Variants in CSMD1 observed in about 807,000 individuals in gnomAD.
CSMD1 encodes the protein CUB and Sushi multiple domains 1.
A neutral mutation model predicts 417.5 loss-of-function variants in CSMD1; 213 were observed. The ratio of observed to expected loss-of-function variants is 0.51; its 90% CI spans 0.46 to 0.57. CSMD1 has a LOEUF of 0.57. Among genes scored for constraint, CSMD1 ranks in the 20% least tolerant of loss-of-function variants. The pLI is 0.00. For synonymous variants in CSMD1, 2,862 were observed against 1,736.8 expected, an observed-to-expected ratio of 1.65 and a Z score of -16.11; for missense variants, 6,923 against 4,529.7, an observed-to-expected ratio of 1.53 and a Z score of -15.17.
At chr8:3,186,608 T>C (rs1472692034) in intron 36 of CSMD1, among the ~76,000 whole-genome samples, 3 of 152,190 alleles carry the variant, frequency 2.0e-5, no homozygotes, top group Non-Finnish European at 1.5e-5. Context: ...CGCTATCTAT[T>C]TTCTTTATGT....
At chr8:4,122,666 G>T (rs1225682622) in intron 3 of CSMD1, among the ~76,000 whole-genome samples, 2 of 152,166 alleles carry the variant, frequency 1.3e-5, no homozygotes, top group African/African-American at 2.4e-5. Flanking sequence ...GCCAGGAAGG[G>T]CAGACCCTCA....
At chr8:4,065,660 G>C (rs963804240) in intron 3 of CSMD1, among the ~76,000 whole-genome samples, 5 of 152,282 alleles carry the variant, frequency 3.3e-5, no homozygotes, top group Non-Finnish European at 4.4e-5. Flanking sequence ...TTTTAGCCAT[G>C]ACACTACCAA....
chr8:4,816,462 A>C (rs1405831389), intron 1 of CSMD1, among the ~76,000 whole-genome samples: 1 of 152,098 alleles, frequency 6.6e-6, no homozygotes, highest in Non-Finnish European at 1.5e-5. Context: ...TCCTGACCTC[A>C]AGTGATCCAC....
intron 1 of CSMD1, among the ~76,000 whole-genome samples, chr8:4,746,337 G>A (rs1198246069): frequency 6.6e-6 from 1 of 152,182 alleles, no homozygotes; most frequent in Non-Finnish European, 1.5e-5. Flanking sequence ...TAGGCACTTT[G>A]GCAGGGGTTC....
intron 1 of CSMD1, among the ~76,000 whole-genome samples, chr8:4,975,947 T>C (rs1563915185): frequency 6.6e-6 from 1 of 152,196 alleles, no homozygotes; most frequent in South Asian, 2.1e-4. Flanking sequence ...ATAATTTTAT[T>C]TACTATGAGA....
intron 1 of CSMD1, among the ~76,000 whole-genome samples, chr8:4,900,103 C>T (rs1804768924): frequency 6.6e-6 from 1 of 152,258 alleles, no homozygotes; most frequent in Admixed American, 6.5e-5. Flanking sequence ...GACTCACCTT[C>T]CACCTTCCCA....
intron 3 of CSMD1, among the ~76,000 whole-genome samples, chr8:4,070,009 T>A (rs1799462224): frequency 6.6e-6 from 1 of 152,214 alleles, no homozygotes; most frequent in African/African-American, 2.4e-5. Flanking sequence ...ATGTTCAATG[T>A]TCTTAAGAAT....
At chr8:3,891,500 C>G (rs1199937594) in intron 5 of CSMD1, among the ~76,000 whole-genome samples, 3 of 152,112 alleles carry the variant, frequency 2.0e-5, no homozygotes, top group Non-Finnish European at 4.4e-5. Flanking sequence ...GACAACATAA[C>G]AAGACCCCAT....
intron 3 of CSMD1, among the ~76,000 whole-genome samples, chr8:4,282,030 T>G (rs1235864652): frequency 6.6e-6 from 1 of 152,232 alleles, no homozygotes. Context: ...GTGATTAGCC[T>G]TTGTTATAAA....
At chr8:4,855,641 A>G (rs1234778243) in intron 1 of CSMD1, among the ~76,000 whole-genome samples, 2 of 152,238 alleles carry the variant, frequency 1.3e-5, no homozygotes, top group Non-Finnish European at 2.9e-5. Flanking sequence ...AGCCAATGCA[A>G]TCAACTGGAA....
At chr8:4,228,213 T>C (rs1193486622) in intron 3 of CSMD1, among the ~76,000 whole-genome samples, 6 of 152,202 alleles carry the variant, frequency 3.9e-5, no homozygotes, top group Non-Finnish European at 7.3e-5. Flanking sequence ...CCTTGGCTGC[T>C]GTATCATTCC....
At chr8:4,372,467 G>T (rs1310018684) in intron 3 of CSMD1, among the ~76,000 whole-genome samples, 1 of 151,306 alleles carries the variant, frequency 6.6e-6, no homozygotes, top group Non-Finnish European at 1.5e-5. Context: ...AAGGGCAATA[G>T]TTAAGTGTCA....
At chr8:4,358,859 C>G (rs1192327939) in intron 3 of CSMD1, among the ~76,000 whole-genome samples, 1 of 152,054 alleles carries the variant, frequency 6.6e-6, no homozygotes, top group African/African-American at 2.4e-5. Context: ...AACTTTTAAA[C>G]ACGGTTTTAC....
At chr8:4,035,479 A>ATGAAAGCTCCATACC (rs146816743) in intron 3 of CSMD1, among the ~76,000 whole-genome samples, 8,506 of 152,152 alleles carry the variant, frequency 0.056, 674 homozygotes, top group African/African-American at 0.18. Flanking sequence ...ATCCTAGGAG[A>ATGAAAGCTCCATACC]TGAAAGCTCC....
At chr8:3,087,313 T>C (rs2129006262) in intron 48 of CSMD1, 28 bp from the exon 49 acceptor site, 3 of 1,606,696 alleles carry the variant, frequency 1.9e-6, no homozygotes, top group East Asian at 2.2e-5. Context: ...CACACAGAAA[T>C]AAGTCAACAA....
chr8:4,643,882 A>G (rs1394799701), intron 1 of CSMD1, among the ~76,000 whole-genome samples: 2 of 152,172 alleles, frequency 1.3e-5, no homozygotes, highest in African/African-American at 4.8e-5. Flanking sequence ...TTTTGCAGGA[A>G]CACCATGCCC....
intron 3 of CSMD1, among the ~76,000 whole-genome samples, chr8:4,131,956 G>C (rs138109200): frequency 1.3e-5 from 2 of 151,782 alleles, no homozygotes; most frequent in Non-Finnish European, 2.9e-5. Flanking sequence ...AGTAGAGACC[G>C]GCTTTCACCA....
intron 5 of CSMD1, among the ~76,000 whole-genome samples, chr8:3,764,454 TGC>T (rs1798163545): frequency 6.6e-6 from 1 of 152,096 alleles, no homozygotes; most frequent in African/African-American, 2.4e-5. Context: ...CCTGAAGACA[TGC>T]GTGTGAGTGA....
intron 2 of CSMD1, among the ~76,000 whole-genome samples, chr8:4,505,349 CAG>C (rs1227373352): frequency 6.6e-6 from 1 of 152,068 alleles, no homozygotes; most frequent in Non-Finnish European, 1.5e-5. Context: ...CAATTTTACT[CAG>C]AGATCACTGA....
Sources: allele counts gnomAD v4.1 joint callset (sites outside exome capture counted in the v4.1 genomes callset), GRCh38; gene constraint gnomAD v4.1.1; transcripts MANE v1.5; gene names NCBI Gene and HGNC (gene_info 2026-07-23, HGNC 2026-07-21).